Variants in PLCE1 observed in about 807,000 individuals in gnomAD.
PLCE1 encodes phospholipase C epsilon 1.
PLCE1 carries 119 observed loss-of-function variants against 242.8 expected under a neutral mutation model. That is an observed-to-expected ratio of 0.49 (90% CI 0.42 to 0.57). PLCE1 has a LOEUF of 0.57. Among genes scored for constraint, PLCE1 ranks in the 20% least tolerant of loss-of-function variants. The pLI, the probability that PLCE1 is intolerant of heterozygous loss-of-function variation, is 0.00. For missense variants in PLCE1, 2,441 were observed against 2,788.8 expected, an observed-to-expected ratio of 0.88 and a Z score of 2.81; for synonymous variants, 945 against 1,017.4, an observed-to-expected ratio of 0.93 and a Z score of 1.35.
At chr10:94,052,616 C>T (rs1024339092) in intron 2 of PLCE1, among the ~76,000 whole-genome samples, 8 of 152,128 alleles carry the variant, frequency 5.3e-5, no homozygotes, top group Non-Finnish European at 1.0e-4. Flanking sequence ...AACTCTTTTT[C>T]CCCCTCCTTC....
At chr10:94,196,122 C>T (rs1564778212) in intron 4 of PLCE1, among the ~76,000 whole-genome samples, 1 of 152,078 alleles carries the variant, frequency 6.6e-6, no homozygotes, top group East Asian at 1.9e-4. Context: ...ATAAAAGTCA[C>T]CTATTGCTAT....
At chr10:94,001,108 C>G (rs1051678024) in intron 1 of PLCE1, among the ~76,000 whole-genome samples, 2 of 152,182 alleles carry the variant, frequency 1.3e-5, no homozygotes, top group African/African-American at 4.8e-5. Flanking sequence ...TCCTCTGAAG[C>G]AGTGAGTACA....
intron 1 of PLCE1, among the ~76,000 whole-genome samples, chr10:94,011,761 T>C (rs1001102274): frequency 1.2e-4 from 19 of 152,022 alleles, no homozygotes; most frequent in Non-Finnish European, 2.4e-4. Context: ...ACTGTTAGCC[T>C]CTTCCTTTTT....
intron 23 of PLCE1, among the ~76,000 whole-genome samples, chr10:94,295,066 C>A (rs2052765504): frequency 6.6e-6 from 1 of 151,812 alleles, no homozygotes; most frequent in Non-Finnish European, 1.5e-5. Flanking sequence ...CAGGAGCCCA[C>A]CACCACGCCC....
chr10:94,181,774 A>G (rs1225732993), intron 4 of PLCE1, among the ~76,000 whole-genome samples: 1 of 139,198 alleles, frequency 7.2e-6, no homozygotes, highest in African/African-American at 3.1e-5. Flanking sequence ...AAAAATTGAC[A>G]GGGCATGGTG....
chr10:94,304,735 G>C (rs904506342), intron 25 of PLCE1, 90 bp downstream of exon 25: 2 of 1,271,100 alleles, frequency 1.6e-6, no homozygotes, highest in African/African-American at 2.9e-5. Context: ...TTGGAAAGCT[G>C]TCATGTCACA....
intron 4 of PLCE1, among the ~76,000 whole-genome samples, chr10:94,224,790 A>G (rs904917123): frequency 2.6e-5 from 4 of 152,238 alleles, no homozygotes; most frequent in African/African-American, 9.6e-5. Context: ...CTAGTGAGCC[A>G]GGGTTTCACA....
intron 3 of PLCE1, among the ~76,000 whole-genome samples, chr10:94,133,913 C>T (rs954675507): frequency 6.6e-6 from 1 of 152,054 alleles, no homozygotes; most frequent in African/African-American, 2.4e-5. Flanking sequence ...AGGTTTCTCC[C>T]CTCTGATGTG....
intron 27 of PLCE1, among the ~76,000 whole-genome samples, chr10:94,310,016 T>C (rs2053336535): frequency 6.6e-6 from 1 of 152,178 alleles, no homozygotes; most frequent in Non-Finnish European, 1.5e-5. Context: ...AAGAATGAGA[T>C]CCTGTCTCTA....
intron 2 of PLCE1, among the ~76,000 whole-genome samples, chr10:94,124,082 C>T (rs2046372075): frequency 6.6e-6 from 1 of 152,150 alleles, no homozygotes; most frequent in South Asian, 2.1e-4. Flanking sequence ...ATTATACCCT[C>T]CATCTGCCAC....
chr10:94,102,464 A>C (rs995845161), intron 2 of PLCE1, among the ~76,000 whole-genome samples: 1 of 152,254 alleles, frequency 6.6e-6, no homozygotes, highest in Non-Finnish European at 1.5e-5. Context: ...TATTAAAATG[A>C]TACCTTTGTC....
At position 93,994,006 on chromosome 10, in the gene PLCE1, A is replaced by AAC. The variant is rs554480714; in HGVS notation, c.-616_-615dup. On this transcript the variant is annotated 5_prime_UTR_variant, in exon 1 of 33. Transcript: ENST00000371380. Reference sequence around the variant, plus strand: ...CACGGTAACGCTGGGCAACGTGGGCAACGCGGCGGGCGGCGGGCTCGCGCG... The same window carrying AAC: ...CACGGTAACGCTGGGCAACGTGGGCAACACGCGGCGGGCGGCGGGCTCGCGCG... Among the ~76,000 whole-genome samples the AAC allele has an allele frequency of 3.5e-4, 53 of 151,740 alleles. No individual in the cohort carries two copies. The East Asian group carries it at 8.4e-3, about 24-fold the overall frequency.
intron 4 of PLCE1, among the ~76,000 whole-genome samples, chr10:94,212,812 G>A (rs1221181917): frequency 6.6e-6 from 1 of 152,220 alleles, no homozygotes; most frequent in East Asian, 1.9e-4. Flanking sequence ...GGTCTTTGGA[G>A]CAGAAAGGGA....
chr10:94,063,750 GT>G (rs1268459675), intron 2 of PLCE1, among the ~76,000 whole-genome samples: 1 of 152,172 alleles, frequency 6.6e-6, no homozygotes, highest in Non-Finnish European at 1.5e-5. Flanking sequence ...GAAGAAAAAA[GT>G]GCAGGATTTT....
intron 2 of PLCE1, among the ~76,000 whole-genome samples, chr10:94,047,280 GA>G (rs1408413546): frequency 6.6e-6 from 1 of 152,166 alleles, no homozygotes; most frequent in Non-Finnish European, 1.5e-5. Context: ...GGTAGTCTTA[GA>G]AGGCTTCATG....
chr10:94,045,647 C>T (rs1210710590), intron 2 of PLCE1, among the ~76,000 whole-genome samples: 1 of 152,228 alleles, frequency 6.6e-6, no homozygotes, highest in African/African-American at 2.4e-5. Flanking sequence ...CTAGTAGGTT[C>T]TCTGTTGATG....
chr10:94,086,699 G>A (rs969025977), intron 2 of PLCE1, among the ~76,000 whole-genome samples: 1 of 152,192 alleles, frequency 6.6e-6, no homozygotes, highest in Non-Finnish European at 1.5e-5. Flanking sequence ...GAATCCAAGA[G>A]GTGTCTCAGG....
At position 94,030,545 on chromosome 10, in the gene PLCE1, C is replaced by T. The variant is rs115316790; in HGVS notation, c.-364-138C>T. Among the ~76,000 whole-genome samples the T allele has an allele frequency of 7.8e-3, 1,190 of 151,788 alleles. 15 individuals carry two copies. Among genetic ancestry groups the T allele is most frequent in the African/African-American group, 0.023 (951 of 41,394 alleles). On this transcript the variant is annotated intron_variant, in intron 1 of 32. Transcript: ENST00000371380. ...TGAAACATTAAATAAAAAAAAAATACTAAAAACATAAAAACCAACTTCTGA... is the reference window on the plus strand; with the variant it reads ...TGAAACATTAAATAAAAAAAAAATATTAAAAACATAAAAACCAACTTCTGA...
At chr10:94,217,995 A>G (rs2049589208) in intron 4 of PLCE1, among the ~76,000 whole-genome samples, 2 of 151,874 alleles carry the variant, frequency 1.3e-5, no homozygotes, top group South Asian at 2.1e-4. Context: ...CAAGGGTAAG[A>G]TATTATAGAA....
Sources: gnomAD v4.1 joint callset for allele counts (sites outside exome capture counted in the v4.1 genomes callset) on GRCh38, gnomAD v4.1.1 for gene constraint, MANE v1.5 for transcripts, NCBI Gene and HGNC (gene_info 2026-07-23, HGNC 2026-07-21) for gene names.